Variants in TLE4 observed in about 807,000 individuals in gnomAD.
TLE4 encodes the protein transducin-like enhancer protein 4.
Under a neutral mutation model 92.8 loss-of-function variants are expected in TLE4, and 8 were observed. That is an observed-to-expected ratio of 0.09 (90% CI 0.05 to 0.16). TLE4 has a LOEUF of 0.16. Ranked by LOEUF, TLE4 falls within the 10% of genes least tolerant of loss-of-function variation. The pLI, the probability that TLE4 is intolerant of heterozygous loss-of-function variation, is 1.00. For missense variants in TLE4, 675 were observed against 997.6 expected (o/e 0.68, Z 4.36); for synonymous variants, 371 against 374.1 (o/e 0.99, Z 0.10).
At chr9:79,579,736 A>G (rs1388941218) in intron 4 of TLE4, among the ~76,000 whole-genome samples, 2 of 152,198 alleles carry the variant, frequency 1.3e-5, no homozygotes, top group African/African-American at 4.8e-5. Flanking sequence ...ACTTAAAGCC[A>G]TGTAAATTTT....
intron 3 of TLE4, chr9:79,575,843 A>G (rs988260834): frequency 4.5e-5 from 12 of 266,826 alleles, no homozygotes; most frequent in African/African-American, 6.6e-5. Context: ...CCAAATTTTC[A>G]TCAGACTTTT....
chr9:79,585,944 G>A lies in TLE4; in HGVS notation c.252+9767G>A, dbSNP rs1270774647. 2.0e-5 allele frequency among the ~76,000 whole-genome samples: 3 copies of A among 151,926 alleles called. No homozygotes were observed. The East Asian group carries it at 5.8e-4, about 29-fold the overall frequency. On this transcript the variant is annotated intron_variant, in intron 4 of 19. Coordinates refer to ENST00000376552, the MANE Select transcript of TLE4 (RefSeq NM_007005.6). ...CAATTCACTGATTCTCTTATGGCCA[G>A]CGTTCAGGCTAAAGTAATGTTGACA...
intron 6 of TLE4, among the ~76,000 whole-genome samples, chr9:79,645,839 T>C (rs1320569563): frequency 6.6e-6 from 1 of 152,148 alleles, no homozygotes; most frequent in Non-Finnish European, 1.5e-5. Context: ...AGTAGTTTAT[T>C]TTGTATTGTG....
intron 4 of TLE4, among the ~76,000 whole-genome samples, chr9:79,600,962 T>C (rs1415661472): frequency 1.3e-5 from 2 of 152,160 alleles, no homozygotes; most frequent in East Asian, 1.9e-4. Flanking sequence ...GATAACATTA[T>C]AGAGATTTCT....
chr9:79,625,221 G>A (rs1232414232), intron 5 of TLE4, among the ~76,000 whole-genome samples: 3 of 151,176 alleles, frequency 2.0e-5, no homozygotes, highest in East Asian at 3.9e-4. Context: ...GGGTTTCGCC[G>A]TTTTAGCCGG....
intron 2 of TLE4, 38 bp downstream of exon 2, chr9:79,573,824 T>TA: frequency 6.9e-7 from 1 of 1,457,816 alleles, no homozygotes; most frequent in African/African-American, 1.4e-5. Flanking sequence ...TCTGTTTGCT[T>TA]AGCTCTTGTC....
At chr9:79,704,625 C>T in intron 8 of TLE4, 158 bp from the exon 9 acceptor site, 3 of 904,698 alleles carry the variant, frequency 3.3e-6, no homozygotes, top group Admixed American at 2.7e-5. Context: ...TCCCTGTTTT[C>T]TTCCTTTCGT....
intron 8 of TLE4, among the ~76,000 whole-genome samples, chr9:79,667,610 C>T (rs967387120): frequency 6.6e-6 from 1 of 152,014 alleles, no homozygotes; most frequent in East Asian, 1.9e-4. Flanking sequence ...TTTTAAAATA[C>T]TCCATTAAAA....
At chr9:79,613,569 G>A (rs1019736076) in intron 5 of TLE4, among the ~76,000 whole-genome samples, 3 of 152,154 alleles carry the variant, frequency 2.0e-5, no homozygotes, top group African/African-American at 4.8e-5. Context: ...AAGAAGGAAG[G>A]AGCTAATGAA....
intron 8 of TLE4, among the ~76,000 whole-genome samples, chr9:79,670,006 T>C (rs2062016400): frequency 6.6e-6 from 1 of 152,142 alleles, no homozygotes; most frequent in South Asian, 2.1e-4. Context: ...CTGAAGTTCA[T>C]GAGGAAGAAA....
At chr9:79,717,890 A>G in intron 14 of TLE4, 1 of 435,268 alleles carries the variant, frequency 2.3e-6, no homozygotes, top group Non-Finnish European at 4.6e-6. Flanking sequence ...GCTTCCAGAA[A>G]CCTAACATGC....
At chr9:79,720,374 ATGGGTG>A in intron 16 of TLE4, 81 bp downstream of exon 16, 1 of 1,174,664 alleles carries the variant, frequency 8.5e-7, no homozygotes, top group African/African-American at 2.2e-5. Flanking sequence ...GTATATAGGT[ATGGGTG>A]TGTGTGTGTG....
At chr9:79,597,903 T>A (rs1233780300) in intron 4 of TLE4, among the ~76,000 whole-genome samples, 1 of 151,868 alleles carries the variant, frequency 6.6e-6, no homozygotes, top group Non-Finnish European at 1.5e-5. Flanking sequence ...GTTCCATGAA[T>A]GTTAGGATGG....
chr9:79,708,246 T>C lies in TLE4; in HGVS notation c.1065T>C (p.Pro355=). The C allele has an allele frequency of 6.2e-7, 1 of 1,609,686 alleles. No individual in the cohort carries two copies. Among genetic ancestry groups the C allele is most frequent in the South Asian group, 1.1e-5 (1 of 90,408 alleles). The change falls in exon 12 of 20, where the codon CCT becomes CCC. Residue 355 remains proline, a synonymous_variant. Coordinates refer to ENST00000376552, the MANE Select transcript of TLE4 (RefSeq NM_007005.6). ...CTGGAAAACCACCAGGAGTTGACCC[T>C]TTGGGTTAGTAAGAAAAAAGTTTTT... ...PVPGKPPGVD[P]LASSLRTPMA...
intron 4 of TLE4, among the ~76,000 whole-genome samples, chr9:79,609,373 TCCAAA>T (rs1051121968): frequency 2.0e-5 from 3 of 152,102 alleles, no homozygotes; most frequent in African/African-American, 4.8e-5. Flanking sequence ...AGATATTTTA[TCCAAA>T]CCAAGGTTTT....
At chr9:79,653,097 G>A (rs752312858) in intron 7 of TLE4, among the ~76,000 whole-genome samples, 2 of 152,182 alleles carry the variant, frequency 1.3e-5, no homozygotes, top group Non-Finnish European at 2.9e-5. Flanking sequence ...TGCTCTGTTT[G>A]AAGTAGCATG....
At chr9:79,608,609 C>T (rs909736660) in intron 4 of TLE4, among the ~76,000 whole-genome samples, 2 of 151,904 alleles carry the variant, frequency 1.3e-5, no homozygotes, top group Admixed American at 6.6e-5. Context: ...GTACAGAAAA[C>T]GAATGGTAAA....
chr9:79,587,182 G>A (rs1210687412), intron 4 of TLE4, among the ~76,000 whole-genome samples: 1 of 152,228 alleles, frequency 6.6e-6, no homozygotes, highest in Non-Finnish European at 1.5e-5. Flanking sequence ...AACAGCTAAA[G>A]GAGTGGTTTA....
At chr9:79,644,958 A>G (rs555142708) in intron 6 of TLE4, among the ~76,000 whole-genome samples, 2 of 152,334 alleles carry the variant, frequency 1.3e-5, no homozygotes, top group South Asian at 4.1e-4. Flanking sequence ...CACTGGCCTG[A>G]GAGTCATTAT....
Sources: gnomAD v4.1 joint callset for allele counts (sites outside exome capture counted in the v4.1 genomes callset) on GRCh38, gnomAD v4.1.1 for gene constraint, MANE v1.5 for transcripts, NCBI Gene and HGNC (gene_info 2026-07-23, HGNC 2026-07-21) for gene names.